TMPRSS4: variants seen among roughly 807,000 people sequenced by gnomAD.
The protein encoded by TMPRSS4 is transmembrane protease serine 4.
Under a neutral mutation model 56.4 loss-of-function variants are expected in TMPRSS4, and 45 were observed. The ratio of observed to expected loss-of-function variants is 0.80; its 90% CI spans 0.63 to 1.02. The LOEUF (loss-of-function observed/expected upper bound fraction) is 1.02, where lower values mean the gene tolerates loss of function less well. Among genes scored for constraint, TMPRSS4 ranks in the 50% least tolerant of loss-of-function variants. The probability of loss-of-function intolerance (pLI) is 0.00; values close to 1 mark genes in which losing one functional copy is unlikely to be tolerated. For missense variants in TMPRSS4, 546 were observed against 556.7 expected (o/e 0.98, Z 0.19); for synonymous variants, 205 against 211.0 (o/e 0.97, Z 0.25).
At position 118,119,159 on chromosome 11, in the gene TMPRSS4, TA is replaced by T. The variant is rs1197590770; in HGVS notation, c.*1250del. 3.0e-6 allele frequency: 3 copies of T among 984,958 alleles called. No individual in the cohort carries two copies. The African/African-American group carries it at 5.3e-5, about 17-fold the overall frequency. The allele number at this position is 984,958 out of a possible 1,614,324, so 61.0% of individuals were successfully genotyped here. ...TAGAAACCCAGAAAACAAAACAAAA[TA>T]AAACAAAACCATCAGAACTGTGAGT... On this transcript the variant is annotated 3_prime_UTR_variant, in exon 13 of 13. Transcript: ENST00000437212.
chr11:118,089,990 G>A (rs537801362), intron 1 of TMPRSS4, among the ~76,000 whole-genome samples: 13 of 152,172 alleles, frequency 8.5e-5, no homozygotes, highest in South Asian at 2.1e-4. Context: ...GATTACAGGC[G>A]CGTGCCACCA....
chr11:118,100,497 A>C (rs765721134), intron 3 of TMPRSS4, among the ~76,000 whole-genome samples: 1 of 152,210 alleles, frequency 6.6e-6, no homozygotes, highest in Non-Finnish European at 1.5e-5. Flanking sequence ...AAGCTGCGAC[A>C]GAACCCCGGT....
chr11:118,120,323 A>G lies in TMPRSS4; in HGVS notation c.*2410A>G, dbSNP rs949934554. 29 of 152,282 alleles carry G rather than the reference A, an allele frequency of 1.9e-4. 1 individual carries two copies. The highest frequency in any genetic ancestry group is 7.0e-4 in the African/African-American group (29 of 41,544). 9.4% of individuals were successfully genotyped at this position (152,282 alleles called of 1,614,324 possible). On this transcript the variant is annotated 3_prime_UTR_variant, in exon 13 of 13. Transcript: ENST00000437212. ...GGCCCTGCTTTCAATTCTCTTGGGT[A>G]TATTCCCAGAAGTGGAATTGCTGGA... is the stretch of plus-strand genomic sequence containing the variant.
chr11:118,118,454 G>A lies in TMPRSS4; in HGVS notation c.*541G>A. The A allele has an allele frequency of 4.1e-6, 4 of 986,700 alleles. No homozygotes were observed. The highest frequency in any genetic ancestry group is 4.8e-6 in the Non-Finnish European group (4 of 830,904). The allele number at this position is 986,700 out of a possible 1,614,324, so 61.1% of individuals were successfully genotyped here. On this transcript the variant is annotated 3_prime_UTR_variant, in exon 13 of 13. Coordinates refer to ENST00000437212, the MANE Select transcript of TMPRSS4 (RefSeq NM_019894.4). ...TATTAAAGAGCTGTGTAACATCTCT[G>A]GCATAGGCTAGCTGGAATGCTTGAT... is the stretch of plus-strand genomic sequence containing the variant.
chr11:118,107,590 T>A, intron 5 of TMPRSS4, 184 bp from the exon 6 acceptor site: 1 of 504,220 alleles, frequency 2.0e-6, no homozygotes, highest in Non-Finnish European at 3.5e-6. Flanking sequence ...ATGCCAAGGG[T>A]CGGTTCTTTA....
intron 1 of TMPRSS4, among the ~76,000 whole-genome samples, chr11:118,088,830 C>T (rs1369765548): frequency 1.3e-5 from 2 of 152,242 alleles, no homozygotes; most frequent in African/African-American, 4.8e-5. Flanking sequence ...TTGGTGACCT[C>T]TCAACTTCCT....
intron 2 of TMPRSS4, chr11:118,095,069 C>T (rs978302103): frequency 3.4e-6 from 2 of 589,110 alleles, no homozygotes; most frequent in Non-Finnish European, 3.0e-6. Context: ...ACAGGACCAA[C>T]AAACCTAAAA....
In TMPRSS4 at chr11:118,115,123, T is replaced by C; in HGVS notation, c.1010-15T>C. ...GAAGGCAAGGATGGGAATGTGAGTG[T>C]TTTTACCCTCCCAGGGAAGATGTCT... On this transcript the variant is annotated splice_polypyrimidine_tract_variant and intron_variant, in intron 10 of 12. Transcript: ENST00000437212. 4 of 1,606,286 alleles carry C rather than the reference T, an allele frequency of 2.5e-6. No homozygotes were observed. The South Asian group carries it at 3.4e-5, about 14-fold the overall frequency.
rs1317256088 is a variant in TMPRSS4, at chr11:118,120,460, T to C, written c.*2547T>C. The C allele has an allele frequency of 6.6e-6, 1 of 152,204 alleles. No individual in the cohort carries two copies. Among genetic ancestry groups the C allele is most frequent in the Non-Finnish European group, 1.5e-5 (1 of 68,040 alleles). The allele number at this position is 152,204 out of a possible 1,614,324, so 9.4% of individuals were successfully genotyped here. ...GTTTGCAGGAGTTACTATTTCTCCA[T>C]ATCCCCCCTAACACTTGCTATTTTC... is the stretch of plus-strand genomic sequence containing the variant. On this transcript the variant is annotated 3_prime_UTR_variant, in exon 13 of 13. Coordinates refer to ENST00000437212, the MANE Select transcript of TMPRSS4 (RefSeq NM_019894.4).
chr11:118,103,185 T>C lies in TMPRSS4; in HGVS notation c.242T>C (p.Leu81Pro), dbSNP rs903804097. The C allele has an allele frequency of 6.2e-7, 1 of 1,614,234 alleles. No individual in the cohort carries two copies. The highest frequency in any genetic ancestry group is 8.5e-7 in the Non-Finnish European group (1 of 1,180,050). Reference sequence around the variant, plus strand: ...AGGAAGCAGCTGTGTGACGGAGAGCTGGACTGTCCCTTGGGGGAGGACGAG... The same window carrying C: ...AGGAAGCAGCTGTGTGACGGAGAGCCGGACTGTCCCTTGGGGGAGGACGAG... ...IPRKQLCDGE[L>P]DCPLGEDEEH... The change falls in exon 4 of 13, where the codon CTG (leucine) becomes CCG (proline). Residue 81 changes from leucine to proline, a missense_variant. Physicochemically the swap from Leu to Pro is moderately conservative, Grantham distance 98 (BLOSUM62 -3). Transcript: ENST00000437212.
In TMPRSS4 at chr11:118,109,098, C is replaced by A. The variant is rs1446038603; in HGVS notation, c.583+202C>A. 3.9e-5 allele frequency among the ~76,000 whole-genome samples: 6 copies of A among 152,134 alleles called. 1 individual carries two copies. In the South Asian group the frequency reaches 8.3e-4, roughly 21 times the overall value. On this transcript the variant is annotated intron_variant, in intron 7 of 12. Transcript: ENST00000437212. ...ATTCTTTTTCTGGGTCTTTCCAAGC[C>A]CCAGTTTCCCCCTTCTACCATCTGT...
chr11:118,098,326 G>A (rs1306253529), intron 2 of TMPRSS4, among the ~76,000 whole-genome samples: 1 of 152,202 alleles, frequency 6.6e-6, no homozygotes, highest in Non-Finnish European at 1.5e-5. Context: ...GCATTTAAGT[G>A]CCACCTGCTG....
chr11:118,117,871 A>T, intron 12 of TMPRSS4, 31 bp from the exon 13 acceptor site: 1 of 1,613,992 alleles, frequency 6.2e-7, no homozygotes, highest in South Asian at 1.1e-5. Flanking sequence ...AGATAATCTG[A>T]CTTTCTCTTC....
rs58251133 is a variant in TMPRSS4 at position 118,116,715 on chromosome 11, C to CTTTTTTTTTTT, written c.1153-584_1153-574dup. 2.4e-5 allele frequency among the ~76,000 whole-genome samples: 3 copies of CTTTTTTTTTTT among 123,374 alleles called. 1 individual carries two copies. The highest frequency in any genetic ancestry group is 9.6e-5 in the African/African-American group (3 of 31,184). The allele number at this position is 123,374 out of a possible 152,430, so 80.9% of individuals were successfully genotyped here. On this transcript the variant is annotated intron_variant, in intron 11 of 12. Coordinates refer to ENST00000437212, the MANE Select transcript of TMPRSS4 (RefSeq NM_019894.4). Reference sequence around the variant, plus strand: ...ACTAGGTTAAACAATGATAACCAGGCTTTTTTTTTTTTTTTTGAGACTGAG... The same window carrying CTTTTTTTTTTT: ...ACTAGGTTAAACAATGATAACCAGGCTTTTTTTTTTTTTTTTTTTTTTTTTTTGAGACTGAG...
At chr11:118,099,452 A>AGAGAGAAAAAGAAAG (rs1946608419) in intron 3 of TMPRSS4, among the ~76,000 whole-genome samples, 1 of 38,884 alleles carries the variant, frequency 2.6e-5, no homozygotes, top group Non-Finnish European at 5.5e-5. Context: ...AAGAAGAGAG[A>AGAGAGAAAAAGAAAG]AAGAGAGAAA....
At chr11:118,105,137 C>T (rs1946926868) in intron 5 of TMPRSS4, among the ~76,000 whole-genome samples, 1 of 152,198 alleles carries the variant, frequency 6.6e-6, no homozygotes, top group Non-Finnish European at 1.5e-5. Flanking sequence ...TTCCTTTACT[C>T]CTCAACCTTC....
At chr11:118,077,601 C>G (rs975916423) in intron 1 of TMPRSS4, among the ~76,000 whole-genome samples, 4 of 152,188 alleles carry the variant, frequency 2.6e-5, no homozygotes, top group African/African-American at 9.6e-5. Context: ...TTCTTTTGCC[C>G]AATGTCTCCA....
At chr11:118,092,275 C>A (rs1276756659) in intron 1 of TMPRSS4, among the ~76,000 whole-genome samples, 1 of 152,194 alleles carries the variant, frequency 6.6e-6, no homozygotes, top group Admixed American at 6.5e-5. Context: ...GTAATTCACG[C>A]AGAGCCAGCT....
chr11:118,088,584 G>A (rs1319356465), intron 1 of TMPRSS4, among the ~76,000 whole-genome samples: 1 of 152,218 alleles, frequency 6.6e-6, no homozygotes, highest in African/African-American at 2.4e-5. Flanking sequence ...ATTCCCGGAT[G>A]AGCCCCAGGT....
Sources: allele counts gnomAD v4.1 joint callset (sites outside exome capture counted in the v4.1 genomes callset), GRCh38; gene constraint gnomAD v4.1.1; transcripts MANE v1.5; gene names NCBI Gene and HGNC (gene_info 2026-07-23, HGNC 2026-07-21).